SIRPD: variants seen among roughly 807,000 people sequenced by gnomAD.
The protein encoded by SIRPD is signal regulatory protein delta.
Under a neutral mutation model 18.0 loss-of-function variants are expected in SIRPD, and 21 were observed. The ratio of observed to expected loss-of-function variants is 1.17; its 90% confidence interval spans 0.83 to 1.68. The LOEUF is 1.68. Ranked by LOEUF, SIRPD falls within the 40% of genes most tolerant of loss-of-function variation. SIRPD has a pLI of 0.00. For synonymous variants in SIRPD, 106 were observed against 92.9 expected (o/e 1.14, Z -0.81); for missense variants, 295 against 238.4 (o/e 1.24, Z -1.56).
intron 2 of SIRPD, among the ~76,000 whole-genome samples, chr20:1,538,713 T>G (rs900812289): frequency 3.3e-5 from 5 of 152,298 alleles, no homozygotes; most frequent in African/African-American, 1.2e-4. Context: ...GGGACACATG[T>G]AAGAGTTCTA....
chr20:1,547,661 C>T (rs1191555245), intron 2 of SIRPD, among the ~76,000 whole-genome samples: 3 of 152,116 alleles, frequency 2.0e-5, no homozygotes, highest in East Asian at 3.8e-4. Context: ...TTAAGATCAG[C>T]TTGTCAATTT....
Position 1,537,220 on chromosome 20 carries a change from G to C in SIRPD, c.512C>G (p.Pro171Arg). The C allele has an allele frequency of 4.3e-6, 7 of 1,614,174 alleles. No individual in the cohort carries two copies. Among genetic ancestry groups the C allele is most frequent in the Non-Finnish European group, 5.9e-6 (7 of 1,180,022 alleles). ...HDAHTCLSAL[P>R]ERNSTNYFVQ... is the part of the protein sequence containing the mutation. ...GAAATAGTTTGTGCTGTTTCTCTCA[G>C]GCAGGGCCGAGAGGCAGGTATGGGC... is the stretch of plus-strand genomic sequence containing the variant. Residue 171 changes from proline to arginine, a missense_variant, in exon 3 of 4, where the codon CCT becomes CGT. Coordinates refer to ENST00000381623, the MANE Select transcript of SIRPD (RefSeq NM_178460.3).
intron 1 of SIRPD, chr20:1,554,428 T>A (rs2091031102): frequency 6.6e-6 from 1 of 152,550 alleles, no homozygotes; most frequent in Non-Finnish European, 1.5e-5. Context: ...ACCAGTCATA[T>A]AAAAATTACA....
intron 2 of SIRPD, among the ~76,000 whole-genome samples, chr20:1,541,072 T>C (rs189022069): frequency 1.3e-5 from 2 of 152,348 alleles, no homozygotes; most frequent in East Asian, 3.9e-4. Context: ...AAGTCTTTGC[T>C]ATTGTGAATA....
At chr20:1,549,126 C>G (rs1284216384) in intron 2 of SIRPD, among the ~76,000 whole-genome samples, 1 of 152,056 alleles carries the variant, frequency 6.6e-6, no homozygotes. Flanking sequence ...TGTTAATCCC[C>G]TCTAGGGTAA....
intron 2 of SIRPD, among the ~76,000 whole-genome samples, chr20:1,547,308 C>G (rs1310690743): frequency 6.6e-6 from 1 of 152,224 alleles, no homozygotes; most frequent in Non-Finnish European, 1.5e-5. Flanking sequence ...CAGTTGACCA[C>G]AGATACATGG....
At position 1,557,602 on chromosome 20, in the gene SIRPD, A is replaced by G; in HGVS notation, c.52T>C (p.Tyr18His). ...LHPPLPSLLL[Y>H]LLLELAGVTH... is the part of the protein sequence containing the mutation. ...TCACCTGCCAGTTCAAGCAGCAGATACAGCAGTAAGGAAGGCAGAGGTGGG... is the reference window on the plus strand; with the variant it reads ...TCACCTGCCAGTTCAAGCAGCAGATGCAGCAGTAAGGAAGGCAGAGGTGGG... The change falls in exon 1 of 4, where the codon TAT becomes CAT. Residue 18 changes from tyrosine (Y) to histidine (H), a missense_variant. Physicochemically the swap from Tyr to His is moderately conservative, Grantham distance 83. Transcript: ENST00000381623. The G allele has an allele frequency of 6.3e-7, 1 of 1,595,398 alleles. No homozygotes were observed. Among genetic ancestry groups the G allele is most frequent in the Non-Finnish European group, 8.5e-7 (1 of 1,171,030 alleles).
intron 3 of SIRPD, among the ~76,000 whole-genome samples, chr20:1,534,873 C>G (rs922753044): frequency 1.3e-5 from 2 of 152,190 alleles, no homozygotes; most frequent in Non-Finnish European, 2.9e-5. Context: ...TTTTGAAATG[C>G]AATTTCCCAA....
rs764118472 is a variant in SIRPD, at chr20:1,551,909, G to A, written c.203C>T (p.Thr68Ile). Residue 68 changes from threonine (T) to isoleucine (I), a missense_variant, in exon 2 of 4, where the codon ACA becomes ATA. Coordinates refer to ENST00000381623, the MANE Select transcript of SIRPD (RefSeq NM_178460.3). ...PNGPVLWFKG[T>I]GPNRKLIYNF... ...GTAGATTAATTTCCGGTTTGGCCCTGTTCCCTTGAACCACAAGACAGGTCC... is the reference window on the plus strand; with the variant it reads ...GTAGATTAATTTCCGGTTTGGCCCTATTCCCTTGAACCACAAGACAGGTCC... 5.0e-6 allele frequency: 8 copies of A among 1,614,084 alleles called. 1 individual carries two copies. In the South Asian group the frequency reaches 8.8e-5, roughly 18 times the overall value.
intron 2 of SIRPD, among the ~76,000 whole-genome samples, chr20:1,543,388 A>G (rs946760688): frequency 1.3e-5 from 2 of 152,052 alleles, no homozygotes; most frequent in South Asian, 2.1e-4. Context: ...GAATTTATCC[A>G]TTTCTTCTAG....
intron 3 of SIRPD, among the ~76,000 whole-genome samples, chr20:1,535,572 G>A (rs1428813438): frequency 2.0e-5 from 3 of 152,150 alleles, no homozygotes; most frequent in Non-Finnish European, 4.4e-5. Context: ...GTGATACCCT[G>A]TGCTGCCTCA....
At position 1,551,758 on chromosome 20, in the gene SIRPD, C is replaced by CAG; in HGVS notation, c.353_354insCT (p.Lys119Ter). ...TGATAGCTCTTCCTTTTATGAACTTCACGCAGTAATAGGTGCCAGCATCAG... is the reference window on the plus strand; with the variant it reads ...TGATAGCTCTTCCTTTTATGAACTTCAGACGCAGTAATAGGTGCCAGCATCAG... On this transcript the variant is annotated frameshift_variant, in exon 2 of 4. Coordinates refer to ENST00000381623, the MANE Select transcript of SIRPD (RefSeq NM_178460.3). LOFTEE classifies it high-confidence loss of function. The CAG allele has an allele frequency of 6.2e-7, 1 of 1,614,070 alleles. No individual in the cohort carries two copies.
chr20:1,536,081 G>A (rs1238717585), intron 3 of SIRPD, among the ~76,000 whole-genome samples: 1 of 152,190 alleles, frequency 6.6e-6, no homozygotes, highest in Non-Finnish European at 1.5e-5. Context: ...TGAAGACATA[G>A]ACTTGCCAAA....
intron 1 of SIRPD, among the ~76,000 whole-genome samples, chr20:1,554,740 T>C (rs577132831): frequency 2.0e-5 from 3 of 152,126 alleles, no homozygotes; most frequent in Admixed American, 6.6e-5. Flanking sequence ...CCATACCGGG[T>C]GTTCTGTGGT....
rs1452905212 is a variant in SIRPD at position 1,551,792 on chromosome 20, A to T, written c.320T>A (p.Ile107Asn). The change falls in exon 2 of 4, where the codon ATC becomes AAC. Residue 107 changes from isoleucine to asparagine, a missense_variant. Physicochemically the swap from Ile to Asn is moderately radical, Grantham distance 149. Transcript: ENST00000381623. Reference sequence around the variant, plus strand: ...ATAGGTGCCAGCATCAGCAAGAGAGATTTCACGGATGCGGGTGGAAAAGTC... The same window carrying T: ...ATAGGTGCCAGCATCAGCAAGAGAGTTTTCACGGATGCGGGTGGAAAAGTC... ...NTDFSTRIRE[I>N]SLADAGTYYC... 3 of 1,613,942 alleles carry T rather than the reference A, an allele frequency of 1.9e-6. No homozygotes were observed. Among genetic ancestry groups the T allele is most frequent in the Non-Finnish European group, 2.5e-6 (3 of 1,179,984 alleles).
At chr20:1,542,954 C>A (rs759106377) in intron 2 of SIRPD, among the ~76,000 whole-genome samples, 1 of 152,094 alleles carries the variant, frequency 6.6e-6, no homozygotes, top group Admixed American at 6.5e-5. Flanking sequence ...ATATGTTGAA[C>A]CAGCCTTGCA....
intron 1 of SIRPD, among the ~76,000 whole-genome samples, chr20:1,553,566 G>A (rs980423337): frequency 9.2e-5 from 14 of 152,138 alleles, no homozygotes; most frequent in Non-Finnish European, 1.6e-4. Flanking sequence ...CTGGGCCCAG[G>A]TTTCTTCGTA....
In SIRPD at chr20:1,534,389, TTTG is replaced by T; in HGVS notation, c.*33_*35del. 6.2e-7 allele frequency: 1 copy of T among 1,611,918 alleles called. No homozygotes were observed. The highest frequency in any genetic ancestry group is 8.5e-7 in the Non-Finnish European group (1 of 1,179,666). ...AGGGAGTCAGAAGAGTATGGGGGCT[TTTG>T]TTATTTACTTGTACGTTCCTTCCCT... On this transcript the variant is annotated 3_prime_UTR_variant, in exon 4 of 4. Coordinates refer to ENST00000381623, the MANE Select transcript of SIRPD (RefSeq NM_178460.3).
At chr20:1,543,239 C>T (rs571987324) in intron 2 of SIRPD, among the ~76,000 whole-genome samples, 66 of 152,224 alleles carry the variant, frequency 4.3e-4, no homozygotes, top group African/African-American at 1.5e-3. Flanking sequence ...TGGTAGAATT[C>T]GGCTGTGAAT....
Sources: gnomAD v4.1 joint callset for allele counts (sites outside exome capture counted in the v4.1 genomes callset) on GRCh38, gnomAD v4.1.1 for gene constraint, MANE v1.5 for transcripts, NCBI Gene and HGNC (gene_info 2026-07-23, HGNC 2026-07-21) for gene names.